Variants in VPS13B observed in about 807,000 individuals in gnomAD.
The protein encoded by VPS13B is intermembrane lipid transfer protein VPS13B.
Under a neutral mutation model 426.4 loss-of-function variants are expected in VPS13B, and 285 were observed. The ratio of observed to expected loss-of-function variants is 0.67; its 90% CI spans 0.61 to 0.74. The LOEUF (loss-of-function observed/expected upper bound fraction) is 0.74, where lower values mean the gene tolerates loss of function less well. Among genes scored for constraint, VPS13B ranks in the 30% least tolerant of loss-of-function variants. The probability of loss-of-function intolerance (pLI) is 0.00; values close to 1 mark genes in which losing one functional copy is unlikely to be tolerated. For synonymous variants in VPS13B, 1,676 were observed against 1,676.4 expected (o/e 1.00, Z 0.01); for missense variants, 4,537 against 4,782.6 (o/e 0.95, Z 1.51).
chr8:99,755,967 CT>C (rs1810619149), intron 39 of VPS13B, among the ~76,000 whole-genome samples: 1 of 151,734 alleles, frequency 6.6e-6, no homozygotes, highest in Non-Finnish European at 1.5e-5. Context: ...AAAGTACAGC[CT>C]GTATATGTTA....
chr8:99,034,983 C>T (rs1344292645), intron 2 of VPS13B, among the ~76,000 whole-genome samples: 3 of 152,006 alleles, frequency 2.0e-5, no homozygotes, highest in Non-Finnish European at 4.4e-5. Context: ...TAGCTTGAAG[C>T]CCAGGAGTTG....
intron 33 of VPS13B, among the ~76,000 whole-genome samples, chr8:99,586,216 G>C (rs1362132299): frequency 6.6e-6 from 1 of 152,172 alleles, no homozygotes; most frequent in African/African-American, 2.4e-5. Flanking sequence ...TCTTAAAACA[G>C]TATAGGTTCC....
At chr8:99,687,524 G>T (rs1263861961) in intron 35 of VPS13B, among the ~76,000 whole-genome samples, 3 of 151,958 alleles carry the variant, frequency 2.0e-5, no homozygotes, top group African/African-American at 7.3e-5. Flanking sequence ...CCACAGGATG[G>T]TTCTCCTGTG....
intron 14 of VPS13B, among the ~76,000 whole-genome samples, chr8:99,151,540 GT>G (rs546095330): frequency 2.7e-5 from 4 of 146,894 alleles, no homozygotes; most frequent in African/African-American, 5.0e-5. Context: ...GTACTTCTTT[GT>G]TTTTTTTTTG....
At chr8:99,515,640 A>G (rs1046114786) in intron 29 of VPS13B, among the ~76,000 whole-genome samples, 1 of 151,792 alleles carries the variant, frequency 6.6e-6, no homozygotes, top group Non-Finnish European at 1.5e-5. Flanking sequence ...GCAAATATGC[A>G]TATTTTTAGC....
intron 34 of VPS13B, among the ~76,000 whole-genome samples, chr8:99,643,083 C>T (rs967425478): frequency 1.7e-4 from 26 of 152,134 alleles, no homozygotes; most frequent in African/African-American, 5.8e-4. Context: ...TATGAAACTT[C>T]CGAAGCTTTT....
At chr8:99,645,275 C>T (rs550729040) in intron 34 of VPS13B, among the ~76,000 whole-genome samples, 3 of 152,262 alleles carry the variant, frequency 2.0e-5, no homozygotes, top group Non-Finnish European at 4.4e-5. Context: ...ATACCTATAT[C>T]ATTATGCACT....
At position 99,819,470 on chromosome 8, in the gene VPS13B, A is replaced by G. The variant is rs1272294316; in HGVS notation, c.8680A>G (p.Ile2894Val). 5.6e-6 allele frequency: 9 copies of G among 1,613,926 alleles called. No homozygotes were observed. Among genetic ancestry groups the G allele is most frequent in the Admixed American group, 1.7e-5 (1 of 60,002 alleles). Residue 2894 changes from isoleucine (I) to valine (V), a missense_variant, in exon 48 of 62, where the codon ATA (isoleucine) becomes GTA (valine). Coordinates refer to ENST00000357162, the MANE Select transcript of VPS13B (RefSeq NM_152564.5). ...CATCTCAACATCCCTCATTAAGCAA[A>G]TAGCCACTAAGGTACACCCTGGAGG... is the stretch of plus-strand genomic sequence containing the variant. The part of the protein sequence containing the change: ...VPISTSLIKQ[I>V]ATKVHPGGTV...
At chr8:99,411,532 A>AGTTT (rs1815664538) in intron 21 of VPS13B, among the ~76,000 whole-genome samples, 1 of 152,182 alleles carries the variant, frequency 6.6e-6, no homozygotes, top group African/African-American at 2.4e-5. Context: ...CTCCGATGAT[A>AGTTT]GTTTCTTTTG....
intron 16 of VPS13B, among the ~76,000 whole-genome samples, chr8:99,182,072 A>G (rs571354842): frequency 5.3e-5 from 8 of 152,234 alleles, no homozygotes; most frequent in Non-Finnish European, 1.0e-4. Flanking sequence ...AACCACGTTG[A>G]GAATGATCAT....
intron 3 of VPS13B, among the ~76,000 whole-genome samples, chr8:99,095,442 T>C (rs1279444539): frequency 6.6e-6 from 1 of 152,198 alleles, no homozygotes; most frequent in Non-Finnish European, 1.5e-5. Flanking sequence ...AAAACATTTC[T>C]ACATTTGATT....
Position 99,697,755 on chromosome 8 carries a change from A to C in VPS13B, c.6047-1770A>C, listed in dbSNP as rs1208234139. 8.0e-6 allele frequency: 5 copies of C among 628,036 alleles called. No homozygotes were observed. The East Asian group carries it at 1.8e-4, about 22-fold the overall frequency. 38.9% of individuals were successfully genotyped at this position (628,036 alleles called of 1,614,324 possible). A position where few individuals can be genotyped will look rare whatever the true frequency, so the allele number is the denominator to read the frequency against. On this transcript the variant is annotated intron_variant, in intron 35 of 61. Transcript: ENST00000357162. ...GCCTAGGGCGCGCCCGTAGGGGAGA[A>C]CATCATCAGTGTCACTGAGCTCATC...
At chr8:99,583,097 A>G (rs897504928) in intron 33 of VPS13B, among the ~76,000 whole-genome samples, 1 of 152,186 alleles carries the variant, frequency 6.6e-6, no homozygotes, top group Non-Finnish European at 1.5e-5. Flanking sequence ...ATCGAATAGC[A>G]TCACCTCTGC....
At chr8:99,831,076 C>CTTTCTT (rs1554573282) in intron 51 of VPS13B, among the ~76,000 whole-genome samples, 1 of 120,084 alleles carries the variant, frequency 8.3e-6, no homozygotes, top group African/African-American at 3.2e-5. Context: ...GTGTTTTTTT[C>CTTTCTT]TTTTTTTTTT....
At chr8:99,699,999 C>T (rs1832200023) in intron 36 of VPS13B, 67 bp downstream of exon 36, 2 of 1,552,716 alleles carry the variant, frequency 1.3e-6, no homozygotes, top group Admixed American at 3.8e-5. Context: ...TCTGAAAATG[C>T]ATCATTTTGA....
chr8:99,438,322 G>A (rs1000453894), intron 22 of VPS13B, among the ~76,000 whole-genome samples: 1 of 152,094 alleles, frequency 6.6e-6, no homozygotes, highest in Admixed American at 6.6e-5. Flanking sequence ...CATACTGCTT[G>A]ATGTCCTGAT....
At chr8:99,418,528 CTCTTTCT>C (rs1816192406) in intron 21 of VPS13B, among the ~76,000 whole-genome samples, 1 of 96,846 alleles carries the variant, frequency 1.0e-5, no homozygotes, top group Non-Finnish European at 2.1e-5. Flanking sequence ...TTCTTTCTTT[CTCTTTCT>C]TTTCTTTTCT....
At chr8:99,065,733 A>C (rs1312926793) in intron 3 of VPS13B, among the ~76,000 whole-genome samples, 1 of 152,228 alleles carries the variant, frequency 6.6e-6, no homozygotes, top group Non-Finnish European at 1.5e-5. Flanking sequence ...TTTGCAGATG[A>C]CATGATTGTA....
At chr8:99,183,001 A>G (rs1813024905) in intron 16 of VPS13B, among the ~76,000 whole-genome samples, 1 of 152,178 alleles carries the variant, frequency 6.6e-6, no homozygotes, top group African/African-American at 2.4e-5. Flanking sequence ...GGCCTCCCAA[A>G]GTGCTGGGAT....
Sources: allele counts gnomAD v4.1 joint callset (sites outside exome capture counted in the v4.1 genomes callset), GRCh38; gene constraint gnomAD v4.1.1; transcripts MANE v1.5; gene names NCBI Gene and HGNC (gene_info 2026-07-23, HGNC 2026-07-21).